Variants in GPRC5B observed in about 807,000 individuals in gnomAD.
GPRC5B encodes G protein-coupled receptor family C group 5 member B.
GPRC5B carries 16 observed loss-of-function variants against 30.1 expected under a neutral mutation model. That is an observed-to-expected ratio of 0.53 (90% CI 0.36 to 0.81). The LOEUF (loss-of-function observed/expected upper bound fraction) is 0.81, where lower values mean the gene tolerates loss of function less well. Among genes scored for constraint, GPRC5B ranks in the 30% least tolerant of loss-of-function variants. The probability of loss-of-function intolerance (pLI) is 0.01; values close to 1 mark genes in which losing one functional copy is unlikely to be tolerated. For missense variants in GPRC5B, 428 were observed against 544.7 expected (o/e 0.79, Z 2.13); for synonymous variants, 241 against 239.5 (o/e 1.01, Z -0.06).
At chr16:19,882,714 C>T (rs556186697) in intron 1 of GPRC5B, among the ~76,000 whole-genome samples, 1 of 152,314 alleles carries the variant, frequency 6.6e-6, no homozygotes, top group Non-Finnish European at 1.5e-5. Flanking sequence ...ACTCAAAACC[C>T]TCCAAGGGTT....
At chr16:19,861,326 G>A (rs952384165) in intron 3 of GPRC5B, among the ~76,000 whole-genome samples, 2 of 152,192 alleles carry the variant, frequency 1.3e-5, no homozygotes, top group Non-Finnish European at 2.9e-5. Flanking sequence ...CTGAAGGTCT[G>A]TTTGGCATCA....
chr16:19,879,274 C>G lies in GPRC5B; in HGVS notation c.-2+5453G>C, dbSNP rs760782264. On this transcript the variant is annotated intron_variant, in intron 1 of 3. Transcript: ENST00000300571. ...AACAAACCCGTGGGATGCAGGCGTGCGCTTCTCAAAAGGAGTAATGAATAA... is the reference window on the plus strand; with the variant it reads ...AACAAACCCGTGGGATGCAGGCGTGGGCTTCTCAAAAGGAGTAATGAATAA... Among the ~76,000 whole-genome samples the G allele has an allele frequency of 2.6e-5, 4 of 152,152 alleles. No individual in the cohort carries two copies. In the South Asian group the frequency reaches 6.2e-4, roughly 24 times the overall value.
At chr16:19,882,473 G>C (rs1367011750) in intron 1 of GPRC5B, 1 of 152,152 alleles carries the variant, frequency 6.6e-6, no homozygotes, top group African/African-American at 2.4e-5. Context: ...GGCTCCGTTA[G>C]AGTGGATAAA....
At chr16:19,877,361 C>T (rs2056766272) in intron 1 of GPRC5B, among the ~76,000 whole-genome samples, 1 of 152,218 alleles carries the variant, frequency 6.6e-6, no homozygotes, top group Non-Finnish European at 1.5e-5. Context: ...GGAAGTCCTC[C>T]GTACCCAATA....
At chr16:19,877,713 A>G (rs553311356) in intron 1 of GPRC5B, among the ~76,000 whole-genome samples, 19 of 152,318 alleles carry the variant, frequency 1.2e-4, no homozygotes, top group African/African-American at 4.3e-4. Flanking sequence ...TACTATTACT[A>G]TCTCCATTTT....
At chr16:19,880,673 A>T (rs965440983) in intron 1 of GPRC5B, among the ~76,000 whole-genome samples, 1 of 152,152 alleles carries the variant, frequency 6.6e-6, no homozygotes, top group African/African-American at 2.4e-5. Context: ...GGTAGAACCT[A>T]GGCCAGAGGA....
chr16:19,861,171 T>C (rs1483180546), intron 3 of GPRC5B, among the ~76,000 whole-genome samples: 1 of 150,534 alleles, frequency 6.6e-6, no homozygotes, highest in Non-Finnish European at 1.5e-5. Context: ...AATTTACACA[T>C]GTAAACTGGC....
At position 19,872,743 on chromosome 16, in the gene GPRC5B, G is replaced by A. The variant is rs11544190; in HGVS notation, c.103C>T (p.Arg35Ter). The A allele has an allele frequency of 2.5e-6, 4 of 1,613,548 alleles. No individual in the cohort carries two copies. The highest frequency in any genetic ancestry group is 1.3e-5 in the African/African-American group (1 of 74,914). Residue 35 changes from arginine (R) to a stop codon, truncating the protein, a stop_gained, in exon 2 of 4, where the codon CGA becomes TGA. Transcript: ENST00000300571. LOFTEE classifies it high-confidence loss of function. This position sits in a 1 kb window ranked among gnomAD's most constrained non-coding sequence, Gnocchi z 5.0. ...GGGAGGAGGTCCAGCCCACAGCCTCGGGATGTGCTGGCGTTTTCAGAGGCC... is the reference window on the plus strand; with the variant it reads ...GGGAGGAGGTCCAGCCCACAGCCTCAGGATGTGCTGGCGTTTTCAGAGGCC... ...SVASENASTS[R>*]GCGLDLLPQY...
chr16:19,876,845 G>A (rs1401486456), intron 1 of GPRC5B, among the ~76,000 whole-genome samples: 1 of 152,206 alleles, frequency 6.6e-6, no homozygotes. Flanking sequence ...CCCATTTCTG[G>A]AAAGAGCACC....
chr16:19,862,107 C>A, intron 2 of GPRC5B, 134 bp from the exon 3 acceptor site: 1 of 717,606 alleles, frequency 1.4e-6, no homozygotes, highest in South Asian at 1.8e-5. Flanking sequence ...TTGTCACAAG[C>A]CTGATTCAAA....
intron 1 of GPRC5B, among the ~76,000 whole-genome samples, chr16:19,878,916 C>T (rs1158389438): frequency 6.6e-5 from 10 of 152,164 alleles, no homozygotes; most frequent in East Asian, 3.9e-4. Context: ...ATTCTCAGGG[C>T]GTGGGTCCAG....
intron 3 of GPRC5B, 76 bp downstream of exon 3, chr16:19,861,761 A>G: frequency 8.0e-7 from 1 of 1,257,444 alleles, no homozygotes; most frequent in Non-Finnish European, 1.2e-6. Flanking sequence ...ATGGAGGAGT[A>G]TGTCCCTGTT....
intron 1 of GPRC5B, among the ~76,000 whole-genome samples, chr16:19,877,439 C>T (rs1280277134): frequency 1.2e-4 from 18 of 152,180 alleles, no homozygotes. Context: ...GCCATGGCTG[C>T]CCATGAGGTG....
chr16:19,864,280 T>G (rs941944081), intron 2 of GPRC5B, among the ~76,000 whole-genome samples: 4 of 152,242 alleles, frequency 2.6e-5, no homozygotes, highest in Non-Finnish European at 4.4e-5. Flanking sequence ...TAAATAGGCC[T>G]TGGCCCTAAT....
At position 19,884,753 on chromosome 16, in the gene GPRC5B, C is replaced by A; in HGVS notation, c.-28G>T. On this transcript the variant is annotated 5_prime_UTR_variant, in exon 1 of 4. Transcript: ENST00000300571. ...GACCCCCGCGGCCCCGCAGCGCCGA[C>A]GCTCCAGCTGGCCTTCGGCCCGAGT... The A allele has an allele frequency of 1.0e-6, 1 of 984,962 alleles. No individual in the cohort carries two copies. The highest frequency in any genetic ancestry group is 1.2e-6 in the Non-Finnish European group (1 of 829,722). 61.0% of individuals were successfully genotyped at this position (984,962 alleles called of 1,614,324 possible).
rs1293347920 is a variant in GPRC5B at position 19,860,308 on chromosome 16, G to C, written c.*192C>G. 22 of 576,298 alleles carry C rather than the reference G, an allele frequency of 3.8e-5. No homozygotes were observed. The East Asian group carries it at 6.5e-4, about 17-fold the overall frequency. 35.7% of individuals were successfully genotyped at this position (576,298 alleles called of 1,614,324 possible). On this transcript the variant is annotated 3_prime_UTR_variant, in exon 4 of 4. Coordinates refer to ENST00000300571, the MANE Select transcript of GPRC5B (RefSeq NM_016235.3). ...TCTGTGTGTGTGGCAGGGGAGGGGC[G>C]GGCAGTCGGTGTTAGCTTTTCAGTT...
At chr16:19,874,882 G>C (rs866258585) in intron 1 of GPRC5B, 2 of 136,690 alleles carry the variant, frequency 1.5e-5, no homozygotes, top group Admixed American at 1.5e-4. Flanking sequence ...TTTCTCTAAC[G>C]GCCCCTTGCT....
At chr16:19,875,741 T>C (rs1452874753) in intron 1 of GPRC5B, among the ~76,000 whole-genome samples, 2 of 152,142 alleles carry the variant, frequency 1.3e-5, no homozygotes, top group African/African-American at 4.8e-5. Flanking sequence ...ATCTTGCCAC[T>C]GCACTCCAGC....
Position 19,856,808 on chromosome 16 carries a change from GT to G in GPRC5B, c.*3691del. On this transcript the variant is annotated 3_prime_UTR_variant, in exon 4 of 4. Transcript: ENST00000300571. The stretch of plus-strand genomic sequence containing the variant: ...AGATTACTTCTTCAGTGCCTCAGGA[GT>G]ATTCTTCTACACCAGCTGCTGTTAA... 4.6e-6 allele frequency: 2 copies of G among 435,118 alleles called. No individual in the cohort carries two copies. Among genetic ancestry groups the G allele is most frequent in the Admixed American group, 4.1e-5 (1 of 24,434 alleles). 27.0% of individuals were successfully genotyped at this position (435,118 alleles called of 1,614,324 possible). A position where few individuals can be genotyped will look rare whatever the true frequency, so the allele number is the denominator to read the frequency against.
Sources: allele counts gnomAD v4.1 joint callset (sites outside exome capture counted in the v4.1 genomes callset), GRCh38; gene constraint gnomAD v4.1.1; non-coding constraint Gnocchi (gnomAD v3.1); transcripts MANE v1.5; gene names NCBI Gene and HGNC (gene_info 2026-07-23, HGNC 2026-07-21).